The following GRID2 variants were observed in gnomAD, a reference collection of about 807,000 sequenced individuals.
GRID2 encodes glutamate receptor ionotropic, delta-2.
A neutral mutation model predicts 114.8 loss-of-function variants in GRID2; 33 were observed. The observed-to-expected ratio is 0.29, with a 90% confidence interval of 0.22 to 0.38. The LOEUF (loss-of-function observed/expected upper bound fraction) is 0.38, where lower values mean the gene tolerates loss of function less well. Ranked by LOEUF, GRID2 falls within the 10% of genes least tolerant of loss-of-function variation. The pLI is 1.00. For synonymous variants in GRID2, 505 were observed against 449.9 expected, an observed-to-expected ratio of 1.12 and a Z score of -1.55; for missense variants, 1,184 against 1,257.7, an observed-to-expected ratio of 0.94 and a Z score of 0.89.
intron 2 of GRID2, among the ~76,000 whole-genome samples, chr4:92,787,039 T>A (rs940317399): frequency 1.6e-4 from 24 of 151,924 alleles, no homozygotes; most frequent in Non-Finnish European, 3.1e-4. Flanking sequence ...TTGGGTGATT[T>A]CTGGTGTTTT....
At chr4:92,479,154 ATGG>A (rs765512754) in intron 1 of GRID2, among the ~76,000 whole-genome samples, 54 of 152,282 alleles carry the variant, frequency 3.5e-4, no homozygotes, top group Middle Eastern at 6.8e-3. Context: ...AAAAATAATA[ATGG>A]TGGGAAATAT....
At chr4:93,657,546 A>G (rs978235095) in intron 14 of GRID2, among the ~76,000 whole-genome samples, 2 of 152,176 alleles carry the variant, frequency 1.3e-5, no homozygotes, top group African/African-American at 2.4e-5. Context: ...GCACACATGC[A>G]CACACATAAA....
At chr4:92,875,659 G>C (rs762557064) in intron 2 of GRID2, among the ~76,000 whole-genome samples, 1 of 151,958 alleles carries the variant, frequency 6.6e-6, no homozygotes, top group Non-Finnish European at 1.5e-5. Flanking sequence ...ACAATACATG[G>C]GGGTGGGCTG....
chr4:92,350,176 T>A (rs2110181376), intron 1 of GRID2, among the ~76,000 whole-genome samples: 1 of 151,916 alleles, frequency 6.6e-6, no homozygotes, highest in East Asian at 1.9e-4. Flanking sequence ...GTATCATGCA[T>A]GTATTACCTC....
intron 14 of GRID2, among the ~76,000 whole-genome samples, chr4:93,752,473 C>T (rs1429389713): frequency 1.3e-5 from 2 of 152,132 alleles, no homozygotes; most frequent in African/African-American, 4.8e-5. Flanking sequence ...CGGGTTCACA[C>T]CCTTCTCCTG....
intron 8 of GRID2, among the ~76,000 whole-genome samples, chr4:93,265,076 T>G (rs1168069392): frequency 1.3e-5 from 2 of 152,022 alleles, no homozygotes; most frequent in African/African-American, 4.8e-5. Context: ...CCACCGCGCC[T>G]GGCCTAATGT....
intron 2 of GRID2, among the ~76,000 whole-genome samples, chr4:92,972,298 G>A (rs1042427672): frequency 4.0e-5 from 6 of 151,212 alleles, no homozygotes; most frequent in Admixed American, 2.6e-4. Context: ...GATGATTAGT[G>A]ATGAACAGCA....
rs577949155 is a variant in GRID2, at chr4:93,551,947, G to A, written c.2193+36536G>A. 2.0e-5 allele frequency among the ~76,000 whole-genome samples: 3 copies of A among 152,222 alleles called. No individual in the cohort carries two copies. In the South Asian group the frequency reaches 6.2e-4, roughly 32 times the overall value. On this transcript the variant is annotated intron_variant, in intron 13 of 15. Transcript: ENST00000282020. ...CACAACGTGCAGGTTTGTTACATAT[G>A]TATGCATGTGCCATGTTGGTGTGCT...
rs564617266 is a variant in GRID2, at chr4:92,678,826, A to T, written c.244+88540A>T. Among the ~76,000 whole-genome samples, 18 of 152,152 alleles carry T rather than the reference A, an allele frequency of 1.2e-4. No homozygotes were observed. The East Asian group carries it at 2.9e-3, about 25-fold the overall frequency. ...ATGCTATTTTATTCAGTTCTAATCAATGCACTACAAAGTGTGTATTTCTAT... is the reference window on the plus strand; with the variant it reads ...ATGCTATTTTATTCAGTTCTAATCATTGCACTACAAAGTGTGTATTTCTAT... On this transcript the variant is annotated intron_variant, in intron 2 of 15. Transcript: ENST00000282020.
chr4:92,692,463 G>C (rs1425675988), intron 2 of GRID2, among the ~76,000 whole-genome samples: 1 of 152,094 alleles, frequency 6.6e-6, no homozygotes, highest in Non-Finnish European at 1.5e-5. Flanking sequence ...TATATCCTCT[G>C]TATCATTTAT....
chr4:92,644,221 G>T (rs1288637345), intron 2 of GRID2, among the ~76,000 whole-genome samples: 1 of 151,618 alleles, frequency 6.6e-6, no homozygotes, highest in Non-Finnish European at 1.5e-5. Context: ...GATGTAAATG[G>T]ATACAACATA....
intron 8 of GRID2, among the ~76,000 whole-genome samples, chr4:93,268,519 T>C (rs762983566): frequency 7.2e-5 from 11 of 152,174 alleles, no homozygotes; most frequent in Non-Finnish European, 4.4e-5. Context: ...TCTGTTAGGA[T>C]AAATTCAAGC....
At chr4:93,126,924 A>G (rs1257049940) in intron 4 of GRID2, among the ~76,000 whole-genome samples, 9 of 152,226 alleles carry the variant, frequency 5.9e-5, no homozygotes, top group Non-Finnish European at 7.4e-5. Flanking sequence ...TTTTGTTCTC[A>G]TGAAGTTTTT....
intron 8 of GRID2, among the ~76,000 whole-genome samples, chr4:93,380,252 A>C (rs1256846936): frequency 6.6e-6 from 1 of 152,054 alleles, no homozygotes; most frequent in Non-Finnish European, 1.5e-5. Context: ...GTGAAAATGG[A>C]GACAGAGATT....
chr4:92,941,923 G>T (rs1751176011), intron 2 of GRID2, among the ~76,000 whole-genome samples: 1 of 152,130 alleles, frequency 6.6e-6, no homozygotes, highest in Non-Finnish European at 1.5e-5. Flanking sequence ...ATTGCACTGT[G>T]GTCTGAGAGA....
intron 13 of GRID2, among the ~76,000 whole-genome samples, chr4:93,584,113 AGT>A (rs1214736284): frequency 3.3e-5 from 5 of 152,188 alleles, no homozygotes; most frequent in African/African-American, 1.2e-4. Flanking sequence ...ACTGTTTCTG[AGT>A]AAAATATATC....
chr4:93,061,201 T>TG (rs60465821), intron 2 of GRID2, among the ~76,000 whole-genome samples: 4 of 148,150 alleles, frequency 2.7e-5, no homozygotes, highest in Non-Finnish European at 6.0e-5. Context: ...TTCTTGTTTT[T>TG]TTTTTTTTTT....
At chr4:93,245,684 C>G (rs554426007) in intron 8 of GRID2, among the ~76,000 whole-genome samples, 11 of 152,260 alleles carry the variant, frequency 7.2e-5, no homozygotes, top group African/African-American at 2.6e-4. Flanking sequence ...AATTCTGCCT[C>G]TGTCACTTAC....
chr4:93,391,597 T>TG (rs2149324139), intron 8 of GRID2, among the ~76,000 whole-genome samples: 1 of 152,298 alleles, frequency 6.6e-6, no homozygotes, highest in Admixed American at 6.5e-5. Context: ...CTGACTCCTG[T>TG]TATTAAAGCC....
Sources: allele counts gnomAD v4.1 joint callset (sites outside exome capture counted in the v4.1 genomes callset), GRCh38; gene constraint gnomAD v4.1.1; transcripts MANE v1.5; gene names NCBI Gene and HGNC (gene_info 2026-07-23, HGNC 2026-07-21).